Variants in DNAH9 observed in about 807,000 individuals in gnomAD.
The protein encoded by DNAH9 is dynein axonemal heavy chain 9.
In DNAH9, 345 loss-of-function variants were observed where a neutral mutation model predicts 471.6. That is an observed-to-expected ratio of 0.73 (90% CI 0.67 to 0.80). DNAH9 has a LOEUF of 0.80. Ranked by LOEUF, DNAH9 falls within the 30% of genes least tolerant of loss-of-function variation. DNAH9 has a pLI of 0.00. For synonymous variants in DNAH9, 2,093 were observed against 2,123.6 expected, an observed-to-expected ratio of 0.99 and a Z score of 0.40; for missense variants, 5,407 against 5,609.2, an observed-to-expected ratio of 0.96 and a Z score of 1.15.
chr17:11,646,941 C>T (rs1311386907), intron 11 of DNAH9, 131 bp from the exon 12 acceptor site: 27 of 778,892 alleles, frequency 3.5e-5, no homozygotes, highest in Non-Finnish European at 3.4e-5. Flanking sequence ...TTTGTGGTTA[C>T]TCTCAGAAGC....
chr17:11,662,047 A>G (rs184416741), intron 14 of DNAH9, among the ~76,000 whole-genome samples: 88 of 152,060 alleles, frequency 5.8e-4, no homozygotes, highest in Middle Eastern at 6.8e-3. Context: ...AAATGTCCTT[A>G]TTTCATCTTT....
At chr17:11,741,757 T>G (rs2150835385) in intron 29 of DNAH9, among the ~76,000 whole-genome samples, 1 of 152,282 alleles carries the variant, frequency 6.6e-6, no homozygotes, top group African/African-American at 2.4e-5. Flanking sequence ...GAACTCTCAG[T>G]TTGTTGTAGA....
Position 11,881,251 on chromosome 17 carries a change from G to A in DNAH9, c.10644G>A (p.Lys3548=). Residue 3548 remains lysine, a synonymous_variant, in exon 55 of 69, where the codon AAG becomes AAA. Transcript: ENST00000262442. ...IGDKECEYNP[K]FRLILHTKLA... Reference sequence around the variant, plus strand: ...ACAAAGAATGTGAATACAATCCCAAGTTCCGGCTCATCCTCCACACCAAGC... The same window carrying A: ...ACAAAGAATGTGAATACAATCCCAAATTCCGGCTCATCCTCCACACCAAGC... 6.2e-7 allele frequency: 1 copy of A among 1,614,152 alleles called. No individual in the cohort carries two copies. The highest frequency in any genetic ancestry group is 1.6e-4 in the Middle Eastern group (1 of 6,062).
At chr17:11,883,465 T>C in intron 55 of DNAH9, 121 bp from the exon 56 acceptor site, 6 of 1,295,114 alleles carry the variant, frequency 4.6e-6, no homozygotes, top group Non-Finnish European at 6.4e-6. Context: ...TGAAGCTCTT[T>C]GCCATTCTGC....
In DNAH9 at chr17:11,647,131, A is replaced by G. The variant is rs757868047; in HGVS notation, c.2030A>G (p.Asn677Ser). 36 of 1,613,874 alleles carry G rather than the reference A, an allele frequency of 2.2e-5. No individual in the cohort carries two copies. The highest frequency in any genetic ancestry group is 1.3e-4 in the East Asian group (6 of 44,888). ...CRTVSEKSQYNLSQPLLKRDP... is the reference protein window; with the variant it reads ...CRTVSEKSQYSLSQPLLKRDP... Reference sequence around the variant, plus strand: ...ACAGTATCAGAGAAGTCACAGTACAATCTTTCCCAACCACTTCTAAAACGT... The same window carrying G: ...ACAGTATCAGAGAAGTCACAGTACAGTCTTTCCCAACCACTTCTAAAACGT... The change falls in exon 12 of 69, where the codon AAT becomes AGT. Residue 677 changes from asparagine (N) to serine (S), a missense_variant. Asn to Ser is a conservative substitution (Grantham distance 46). This residue lies in a region of DNAH9 where 4,636 missense variants were observed against 4,900.3 expected (regional missense o/e 0.95). Transcript: ENST00000262442.
chr17:11,760,065 G>A (rs572538399), intron 35 of DNAH9, among the ~76,000 whole-genome samples: 5 of 152,070 alleles, frequency 3.3e-5, no homozygotes, highest in Admixed American at 2.6e-4. Flanking sequence ...CAGGTGATCC[G>A]CCTGCCTCAG....
chr17:11,765,339 G>A (rs144540553), intron 36 of DNAH9, among the ~76,000 whole-genome samples: 1 of 152,360 alleles, frequency 6.6e-6, no homozygotes, highest in East Asian at 1.9e-4. Context: ...AGTCTGGATT[G>A]ATTGTGAGCC....
Position 11,784,430 on chromosome 17 carries a change from T to A in DNAH9, c.7952T>A (p.Leu2651Gln). The change falls in exon 41 of 69, where the codon CTG becomes CAG. Residue 2651 changes from leucine (L) to glutamine (Q), a missense_variant. This residue lies in a region of DNAH9 where 4,636 missense variants were observed against 4,900.3 expected (regional missense o/e 0.95). Transcript: ENST00000262442. ...TCCCTGCAGAAATCCATCCCCCCAC[T>A]GATCGATCTGGCCCTCGCCTTCCAC... ...PASLQKSIPP[L>Q]IDLALAFHQK... is the part of the protein sequence containing the mutation. 1 of 1,614,180 alleles carries A rather than the reference T, an allele frequency of 6.2e-7. No homozygotes were observed. Among genetic ancestry groups the A allele is most frequent in the African/African-American group, 1.3e-5 (1 of 75,058 alleles).
intron 53 of DNAH9, 31 bp downstream of exon 53, chr17:11,875,215 T>C: frequency 6.3e-7 from 1 of 1,579,034 alleles, no homozygotes; most frequent in Non-Finnish European, 8.7e-7. Context: ...GTTCCCACTT[T>C]AGCCATTTGT....
At position 11,671,353 on chromosome 17, in the gene DNAH9, G is replaced by T. The variant is rs181433180; in HGVS notation, c.3353+1559G>T. Among the ~76,000 whole-genome samples the T allele has an allele frequency of 1.3e-4, 20 of 152,304 alleles. No individual in the cohort carries two copies. In the East Asian group the frequency reaches 3.9e-3, roughly 29 times the overall value. ...ATTACTCATAGTTCTCAAGAGGACG[G>T]TGTATGGCATACAGGGCCACAGTGG... On this transcript the variant is annotated intron_variant, in intron 17 of 68. Coordinates refer to ENST00000262442, the MANE Select transcript of DNAH9 (RefSeq NM_001372.4).
intron 43 of DNAH9, among the ~76,000 whole-genome samples, chr17:11,800,975 G>T (rs1165794352): frequency 6.6e-6 from 1 of 152,046 alleles, no homozygotes; most frequent in Non-Finnish European, 1.5e-5. Context: ...TTATAACTAG[G>T]GTCATCAGGA....
intron 43 of DNAH9, among the ~76,000 whole-genome samples, chr17:11,802,119 C>G (rs1969484138): frequency 6.6e-6 from 1 of 152,178 alleles, no homozygotes; most frequent in Non-Finnish European, 1.5e-5. Context: ...TTACTTTATC[C>G]TCGCTCTGCC....
chr17:11,826,574 C>T (rs1970503129), intron 48 of DNAH9, among the ~76,000 whole-genome samples: 1 of 149,796 alleles, frequency 6.7e-6, no homozygotes, highest in African/African-American at 2.5e-5. Flanking sequence ...CATTCTCCTG[C>T]CTCACTCCCA....
At chr17:11,660,056 C>G (rs2073728203) in intron 14 of DNAH9, among the ~76,000 whole-genome samples, 1 of 152,012 alleles carries the variant, frequency 6.6e-6, no homozygotes, top group Non-Finnish European at 1.5e-5. Context: ...TTCAAAGAAC[C>G]AAATTTTGAT....
chr17:11,651,223 A>G lies in DNAH9; in HGVS notation c.2252A>G (p.Lys751Arg). 6.2e-7 allele frequency: 1 copy of G among 1,614,086 alleles called. No homozygotes were observed. The highest frequency in any genetic ancestry group is 8.5e-7 in the Non-Finnish European group (1 of 1,180,004). Reference sequence around the variant, plus strand: ...GCAAATTGGTACAACAAGGTTATGAAAACTCTGCTGGAGGTGGAATTTCCA... The same window carrying G: ...GCAAATTGGTACAACAAGGTTATGAGAACTCTGCTGGAGGTGGAATTTCCA... The part of the protein sequence containing the change: ...LMANWYNKVM[K>R]TLLEVEFPLV... Residue 751 changes from lysine (K) to arginine (R), a missense_variant, in exon 13 of 69, where the codon AAA (lysine) becomes AGA (arginine). By Grantham distance (26) the Lys-to-Arg change is conservative (BLOSUM62 2). Around this residue, in one of 3 missense-constraint regions of DNAH9, gnomAD observed 4,636 missense variants for 4,900.3 expected, o/e 0.95. Coordinates refer to ENST00000262442, the MANE Select transcript of DNAH9 (RefSeq NM_001372.4).
intron 22 of DNAH9, among the ~76,000 whole-genome samples, chr17:11,698,268 TA>T (rs991577276): frequency 7.5e-6 from 1 of 133,824 alleles, no homozygotes; most frequent in Non-Finnish European, 1.5e-5. Context: ...ATAATAATTA[TA>T]TAATATATTA....
At chr17:11,744,246 C>T (rs951552972) in intron 30 of DNAH9, among the ~76,000 whole-genome samples, 7 of 152,180 alleles carry the variant, frequency 4.6e-5, no homozygotes, top group Non-Finnish European at 7.3e-5. Context: ...GTTCTGCCCA[C>T]TACAGCTCCT....
At chr17:11,881,149 T>C in intron 54 of DNAH9, 60 bp from the exon 55 acceptor site, 1 of 1,552,186 alleles carries the variant, frequency 6.4e-7, no homozygotes, top group Non-Finnish European at 8.9e-7. Context: ...TCTCAAATTC[T>C]GACCCCAACC....
In DNAH9 at chr17:11,883,722, A is replaced by C; in HGVS notation, c.10943A>C (p.Lys3648Thr). Reference sequence around the variant, plus strand: ...CTGGTGGAAAACCTAGAGATCACCAAGCAGACTGCTGCCGAAGTTGAGAAA... The same window carrying C: ...CTGGTGGAAAACCTAGAGATCACCACGCAGACTGCTGCCGAAGTTGAGAAA... ...TVLVENLEITKQTAAEVEKKV... is the reference protein window; with the variant it reads ...TVLVENLEITTQTAAEVEKKV... Residue 3648 changes from lysine to threonine, a missense_variant, in exon 56 of 69, where the codon AAG (lysine) becomes ACG (threonine). Transcript: ENST00000262442. 6.2e-7 allele frequency: 1 copy of C among 1,614,090 alleles called. No individual in the cohort carries two copies. Among genetic ancestry groups the C allele is most frequent in the East Asian group, 2.2e-5 (1 of 44,884 alleles).
Sources: allele counts gnomAD v4.1 joint callset (sites outside exome capture counted in the v4.1 genomes callset), GRCh38; gene constraint gnomAD v4.1.1; regional missense constraint gnomAD v4.1.1; transcripts MANE v1.5; gene names NCBI Gene and HGNC (gene_info 2026-07-23, HGNC 2026-07-21).